PBX2: variants seen among roughly 807,000 people sequenced by gnomAD.
PBX2 encodes the protein pre-B-cell leukemia transcription factor 2.
A neutral mutation model predicts 46.5 loss-of-function variants in PBX2; 10 were observed. That is an observed-to-expected ratio of 0.21 (90% CI 0.13 to 0.36). PBX2 has a LOEUF of 0.36. Among genes scored for constraint, PBX2 ranks in the 10% least tolerant of loss-of-function variants. The probability of loss-of-function intolerance (pLI) is 1.00; values close to 1 mark genes in which losing one functional copy is unlikely to be tolerated. For synonymous variants in PBX2, 160 were observed against 222.5 expected (o/e 0.72, Z 2.50); for missense variants, 392 against 580.5 (o/e 0.68, Z 3.34).
chr6:32,186,286 G>C lies in PBX2; in HGVS notation c.*96C>G. ...GACCCCATTGGCCCTTCTCTGTCTT[G>C]TGCTTCTCCTGTATTGGGGTTTGTC... On this transcript the variant is annotated 3_prime_UTR_variant, in exon 9 of 9. Transcript: ENST00000375050. The surrounding 1 kb of genome is among the most constrained non-coding windows in gnomAD (Gnocchi z 4.2). 1.2e-6 allele frequency: 1 copy of C among 803,168 alleles called. No individual in the cohort carries two copies. The highest frequency in any genetic ancestry group is 2.1e-6 in the Non-Finnish European group (1 of 474,256). 49.8% of individuals were successfully genotyped at this position (803,168 alleles called of 1,614,324 possible). A position where few individuals can be genotyped will look rare whatever the true frequency, so the allele number is the denominator to read the frequency against.
rs1415154393 is a variant in PBX2, at chr6:32,186,942, A to G, written c.1025-41T>C. 8.5e-6 allele frequency: 13 copies of G among 1,531,792 alleles called. No individual in the cohort carries two copies. Among genetic ancestry groups the G allele is most frequent in the African/African-American group, 1.4e-5 (1 of 73,086 alleles). The allele number at this position is 1,531,792 out of a possible 1,614,324, so 94.9% of individuals were successfully genotyped here. A position where few individuals can be genotyped will look rare whatever the true frequency, so the allele number is the denominator to read the frequency against. ...AGGGAAGAGTGTAATAGAGCCCGTG[A>G]TGGTAGAGGATGAACCACAACTCTC... On this transcript the variant is annotated intron_variant, in intron 6 of 8. Transcript: ENST00000375050. The surrounding 1 kb of genome is among the most constrained non-coding windows in gnomAD (Gnocchi z 4.2).
chr6:32,187,011 A>G lies in PBX2; in HGVS notation c.1025-110T>C, dbSNP rs564778673. On this transcript the variant is annotated intron_variant, in intron 6 of 8. Coordinates refer to ENST00000375050, the MANE Select transcript of PBX2 (RefSeq NM_002586.5). This position sits in a 1 kb window ranked among gnomAD's most constrained non-coding sequence, Gnocchi z 7.7. Reference sequence around the variant, plus strand: ...CTACTATACTCCAATTATCCACAAAATAACATTCCAACACACAGAAAGAGC... The same window carrying G: ...CTACTATACTCCAATTATCCACAAAGTAACATTCCAACACACAGAAAGAGC... 1.8e-6 allele frequency: 2 copies of G among 1,119,976 alleles called. No homozygotes were observed. The highest frequency in any genetic ancestry group is 1.4e-5 in the South Asian group (1 of 73,458). 69.4% of individuals were successfully genotyped at this position (1,119,976 alleles called of 1,614,324 possible). A position where few individuals can be genotyped will look rare whatever the true frequency, so the allele number is the denominator to read the frequency against.
Position 32,188,549 on chromosome 6 carries a change from C to A in PBX2, c.296-45G>T. On this transcript the variant is annotated intron_variant, in intron 2 of 8. Transcript: ENST00000375050. The surrounding 1 kb of genome is among the most constrained non-coding windows in gnomAD (Gnocchi z 6.5). ...ACTTAGGGACCCAGAGACCCCAATA[C>A]CCAGTGCTCAGTCCTCCTGGTGCTT... 1 of 1,600,742 alleles carries A rather than the reference C, an allele frequency of 6.2e-7. No homozygotes were observed. The highest frequency in any genetic ancestry group is 1.3e-5 in the African/African-American group (1 of 74,508).
rs757153246 is a variant in PBX2, at chr6:32,187,275, G to A, written c.991C>T (p.Arg331Cys). ...GAAGGGGGTGTCGGGGAGCTGGTGCGGCTGTGGCCCCCCTGGGTGACTGAC... is the reference window on the plus strand; with the variant it reads ...GAAGGGGGTGTCGGGGAGCTGGTGCAGCTGTGGCCCCCCTGGGTGACTGAC... ...AVSVTQGGHS[R>C]TSSPTPPSSA... The change falls in exon 6 of 9, where the codon CGC (arginine) becomes TGC (cysteine). Residue 331 changes from arginine (R) to cysteine (C), a missense_variant. By Grantham distance (180) the Arg-to-Cys change is radical (BLOSUM62 -3). This residue lies in a region of PBX2 where 116 missense variants were observed against 157.9 expected (regional missense o/e 0.73). Transcript: ENST00000375050. The surrounding 1 kb of genome is among the most constrained non-coding windows in gnomAD (Gnocchi z 7.7). 6 of 1,612,962 alleles carry A rather than the reference G, an allele frequency of 3.7e-6. No homozygotes were observed. In the African/African-American group the frequency reaches 4.0e-5, roughly 11 times the overall value.
chr6:32,187,945 G>C lies in PBX2; in HGVS notation c.734+21C>G. ...GGAAGGAGCCCAGTGCTGGGGGCCA[G>C]CCTGGGGTCCCTGGGCCCACCTGGC... On this transcript the variant is annotated intron_variant, in intron 4 of 8. Coordinates refer to ENST00000375050, the MANE Select transcript of PBX2 (RefSeq NM_002586.5). This position sits in a 1 kb window ranked among gnomAD's most constrained non-coding sequence, Gnocchi z 7.7. 1.3e-6 allele frequency: 2 copies of C among 1,528,746 alleles called. No homozygotes were observed. Among genetic ancestry groups the C allele is most frequent in the Non-Finnish European group, 1.8e-6 (2 of 1,133,568 alleles). The allele number at this position is 1,528,746 out of a possible 1,614,324, so 94.7% of individuals were successfully genotyped here.
Position 32,188,487 on chromosome 6 carries a change from A to G in PBX2, c.313T>C (p.Ser105Pro), listed in dbSNP as rs1279208469. 6.2e-7 allele frequency: 1 copy of G among 1,613,676 alleles called. No individual in the cohort carries two copies. Residue 105 changes from serine to proline, a missense_variant, in exon 3 of 9, where the codon TCC becomes CCC. This residue lies in a region of PBX2 where 196 missense variants were observed against 246.9 expected (regional missense o/e 0.79). Transcript: ENST00000375050. The surrounding 1 kb of genome is among the most constrained non-coding windows in gnomAD (Gnocchi z 6.5). Reference sequence around the variant, plus strand: ...GGGTCCACCGGCTCCTCCTCCTGGGAGCTCCGAATGCTGAGGCCTAGCATG... The same window carrying G: ...GGGTCCACCGGCTCCTCCTCCTGGGGGCTCCGAATGCTGAGGCCTAGCATG... ...KEKTGLSIRSSQEEEPVDPQL... is the reference protein window; with the variant it reads ...KEKTGLSIRSPQEEEPVDPQL...
At position 32,187,919 on chromosome 6, in the gene PBX2, G is replaced by A; in HGVS notation, c.734+47C>T. 1 of 1,519,748 alleles carries A rather than the reference G, an allele frequency of 6.6e-7. No individual in the cohort carries two copies. Among genetic ancestry groups the A allele is most frequent in the African/African-American group, 1.4e-5 (1 of 73,040 alleles). 94.1% of individuals were successfully genotyped at this position (1,519,748 alleles called of 1,614,324 possible). A position where few individuals can be genotyped will look rare whatever the true frequency, so the allele number is the denominator to read the frequency against. On this transcript the variant is annotated intron_variant, in intron 4 of 8. Transcript: ENST00000375050. This position sits in a 1 kb window ranked among gnomAD's most constrained non-coding sequence, Gnocchi z 7.7. ...GCAGCTCAGGGTCTTGGAGAGGAATGGGAAGGAGCCCAGTGCTGGGGGCCA... is the reference window on the plus strand; with the variant it reads ...GCAGCTCAGGGTCTTGGAGAGGAATAGGAAGGAGCCCAGTGCTGGGGGCCA...
rs1176622663 is a variant in PBX2 at position 32,189,976 on chromosome 6, CT to C, written c.-62del. 861 of 773,936 alleles carry C rather than the reference CT, an allele frequency of 1.1e-3. 6 individuals carry two copies. Among genetic ancestry groups the C allele is most frequent in the Admixed American group, 4.3e-3 (114 of 26,394 alleles). 47.9% of individuals were successfully genotyped at this position (773,936 alleles called of 1,614,324 possible). A position where few individuals can be genotyped will look rare whatever the true frequency, so the allele number is the denominator to read the frequency against. ...CGCCCCTCCCCCCGCCTGGTTACTTCTCCCCCCAAACTCGCTGGGGCCGCTG... is the reference window on the plus strand; with the variant it reads ...CGCCCCTCCCCCCGCCTGGTTACTTCCCCCCCAAACTCGCTGGGGCCGCTG... On this transcript the variant is annotated 5_prime_UTR_variant, in exon 1 of 9. Transcript: ENST00000375050. The surrounding 1 kb of genome is among the most constrained non-coding windows in gnomAD (Gnocchi z 4.7).
chr6:32,186,673 G>A lies in PBX2; in HGVS notation c.1131C>T (p.His377=). Residue 377 remains histidine, a synonymous_variant, in exon 8 of 9, where the codon CAC becomes CAT. Transcript: ENST00000375050. This position sits in a 1 kb window ranked among gnomAD's most constrained non-coding sequence, Gnocchi z 4.2. ...YSASQVESLR[H]SMGPGGYGDN... ...CCCCATAGCCCCCTGGCCCCATCGA[G>A]TGTCGGAGTGATTCCACCTGCAGGC... 1 of 1,613,002 alleles carries A rather than the reference G, an allele frequency of 6.2e-7. No individual in the cohort carries two copies. The highest frequency in any genetic ancestry group is 1.7e-5 in the Admixed American group (1 of 60,024).
chr6:32,188,847 CAG>C lies in PBX2; in HGVS notation c.222-53_222-52del. 6.6e-7 allele frequency: 1 copy of C among 1,525,914 alleles called. No individual in the cohort carries two copies. Among genetic ancestry groups the C allele is most frequent in the South Asian group, 1.1e-5 (1 of 89,236 alleles). 94.5% of individuals were successfully genotyped at this position (1,525,914 alleles called of 1,614,324 possible). On this transcript the variant is annotated intron_variant, in intron 1 of 8. Transcript: ENST00000375050. The surrounding 1 kb of genome is among the most constrained non-coding windows in gnomAD (Gnocchi z 6.5). The stretch of plus-strand genomic sequence containing the variant: ...GAGAAAAGTTGAGGAGCTAGAGAAA[CAG>C]AGCAGGGGGCCTGAGAACAAGGAGG...
Position 32,190,049 on chromosome 6 carries a change from C to T in PBX2, c.-134G>A. ...CCCGTCTGCCCCCGGCTCCCGGCTC[C>T]CCCGGGGGTTCACCCCGGCACTGAA... On this transcript the variant is annotated 5_prime_UTR_variant, in exon 1 of 9. Coordinates refer to ENST00000375050, the MANE Select transcript of PBX2 (RefSeq NM_002586.5). 2 of 513,922 alleles carry T rather than the reference C, an allele frequency of 3.9e-6. No individual in the cohort carries two copies. Among genetic ancestry groups the T allele is most frequent in the African/African-American group, 2.0e-5 (1 of 49,336 alleles). The allele number at this position is 513,922 out of a possible 1,614,324, so 31.8% of individuals were successfully genotyped here.
chr6:32,188,619 CCT>C lies in PBX2; in HGVS notation c.295+102_295+103del, dbSNP rs1787253334. Reference sequence around the variant, plus strand: ...AGGCTTTGGTTCCTTCCCCAGTCCCCCTGACTCCTTACTTTCCTCAGGGCCCC... The same window carrying C: ...AGGCTTTGGTTCCTTCCCCAGTCCCCGACTCCTTACTTTCCTCAGGGCCCC... On this transcript the variant is annotated intron_variant, in intron 2 of 8. Transcript: ENST00000375050. The surrounding 1 kb of genome is among the most constrained non-coding windows in gnomAD (Gnocchi z 6.5). The C allele has an allele frequency of 6.3e-7, 1 of 1,575,668 alleles. No individual in the cohort carries two copies. The highest frequency in any genetic ancestry group is 8.7e-7 in the Non-Finnish European group (1 of 1,151,424).
chr6:32,187,950 G>T lies in PBX2; in HGVS notation c.734+16C>A. On this transcript the variant is annotated intron_variant, in intron 4 of 8. Coordinates refer to ENST00000375050, the MANE Select transcript of PBX2 (RefSeq NM_002586.5). The surrounding 1 kb of genome is among the most constrained non-coding windows in gnomAD (Gnocchi z 7.7). ...GAGCCCAGTGCTGGGGGCCAGCCTG[G>T]GGTCCCTGGGCCCACCTGGCATCCA... 1 of 1,530,408 alleles carries T rather than the reference G, an allele frequency of 6.5e-7. No individual in the cohort carries two copies. The highest frequency in any genetic ancestry group is 2.3e-5 in the East Asian group (1 of 42,562). The allele number at this position is 1,530,408 out of a possible 1,614,324, so 94.8% of individuals were successfully genotyped here. A position where few individuals can be genotyped will look rare whatever the true frequency, so the allele number is the denominator to read the frequency against.
chr6:32,185,170 A>C lies in PBX2; in HGVS notation c.*1212T>G, dbSNP rs1786964688. ...ACTCCCTTCCCATTCTTCCCCCTCC[A>C]ATTTTCAAATAGTAGTTTTTTAAAA... On this transcript the variant is annotated 3_prime_UTR_variant, in exon 9 of 9. Transcript: ENST00000375050. 1 of 152,634 alleles carries C rather than the reference A, an allele frequency of 6.6e-6. No homozygotes were observed. Among genetic ancestry groups the C allele is most frequent in the Admixed American group, 6.5e-5 (1 of 15,274 alleles). 9.5% of individuals were successfully genotyped at this position (152,634 alleles called of 1,614,324 possible). A position where few individuals can be genotyped will look rare whatever the true frequency, so the allele number is the denominator to read the frequency against.
Position 32,187,248 on chromosome 6 carries a change from A to G in PBX2, c.1018T>C (p.Ser340Pro). 6.2e-7 allele frequency: 1 copy of G among 1,612,868 alleles called. No individual in the cohort carries two copies. The highest frequency in any genetic ancestry group is 8.5e-7 in the Non-Finnish European group (1 of 1,180,024). The change falls in exon 6 of 9, where the codon TCT (serine) becomes CCT (proline). Residue 340 changes from serine (S) to proline (P), a missense_variant. This residue lies in a region of PBX2 where 116 missense variants were observed against 157.9 expected (regional missense o/e 0.73). Coordinates refer to ENST00000375050, the MANE Select transcript of PBX2 (RefSeq NM_002586.5). The surrounding 1 kb of genome is among the most constrained non-coding windows in gnomAD (Gnocchi z 7.7). Reference protein sequence around the residue: ...SRTSSPTPPSSAGSGGSFNLS... With the variant: ...SRTSSPTPPSPAGSGGSFNLS... ...GGGTGACAGTGGGATCCACCTGCAGAGGAAGGGGGTGTCGGGGAGCTGGTG... is the reference window on the plus strand; with the variant it reads ...GGGTGACAGTGGGATCCACCTGCAGGGGAAGGGGGTGTCGGGGAGCTGGTG...
rs2127449347 is a variant in PBX2 at position 32,189,479 on chromosome 6, G to A, written c.221+216C>T. The stretch of plus-strand genomic sequence containing the variant: ...GGCAAAAGGTTAGGAGTGGGGAGCC[G>A]GGCCACCGGGGGTTCCCTCTGTGAA... On this transcript the variant is annotated intron_variant, in intron 1 of 8. Coordinates refer to ENST00000375050, the MANE Select transcript of PBX2 (RefSeq NM_002586.5). This position sits in a 1 kb window ranked among gnomAD's most constrained non-coding sequence, Gnocchi z 4.7. Among the ~76,000 whole-genome samples the A allele has an allele frequency of 6.6e-6, 1 of 152,174 alleles. No individual in the cohort carries two copies. Among genetic ancestry groups the A allele is most frequent in the African/African-American group, 2.4e-5 (1 of 41,508 alleles).
In PBX2 at chr6:32,187,129, G is replaced by T; in HGVS notation, c.1024+113C>A. 3 of 1,335,192 alleles carry T rather than the reference G, an allele frequency of 2.2e-6. No individual in the cohort carries two copies. The South Asian group carries it at 3.9e-5, about 17-fold the overall frequency. The allele number at this position is 1,335,192 out of a possible 1,614,324, so 82.7% of individuals were successfully genotyped here. On this transcript the variant is annotated intron_variant, in intron 6 of 8. Transcript: ENST00000375050. The surrounding 1 kb of genome is among the most constrained non-coding windows in gnomAD (Gnocchi z 7.7). Reference sequence around the variant, plus strand: ...TGACATCTCCAGCCTATCTCAGCTCGGTCCCTCTCACCCCAAAAGGCCCCC... The same window carrying T: ...TGACATCTCCAGCCTATCTCAGCTCTGTCCCTCTCACCCCAAAAGGCCCCC...
chr6:32,189,927 G>GA lies in PBX2; in HGVS notation c.-13_-12insT, dbSNP rs765445910. 9 of 1,170,718 alleles carry GA rather than the reference G, an allele frequency of 7.7e-6. No homozygotes were observed. The highest frequency in any genetic ancestry group is 1.0e-5 in the Non-Finnish European group (9 of 870,542). The allele number at this position is 1,170,718 out of a possible 1,614,324, so 72.5% of individuals were successfully genotyped here. On this transcript the variant is annotated 5_prime_UTR_variant, in exon 1 of 9. Coordinates refer to ENST00000375050, the MANE Select transcript of PBX2 (RefSeq NM_002586.5). This position sits in a 1 kb window ranked among gnomAD's most constrained non-coding sequence, Gnocchi z 4.7. ...AGCCGTTCGTCCATAGCTGGGGGGG[G>GA]GCCCTGAGGCCCCCTCCCTGCTCCG...
rs759000660 is a variant in PBX2 at position 32,188,192 on chromosome 6, C to T, written c.544-36G>A. Reference sequence around the variant, plus strand: ...GGCCAGTGGGCTGGTGAGGAGGAGCCCTTTGACCATGGGATTCCCCTGCAA... The same window carrying T: ...GGCCAGTGGGCTGGTGAGGAGGAGCTCTTTGACCATGGGATTCCCCTGCAA... On this transcript the variant is annotated intron_variant, in intron 3 of 8. Coordinates refer to ENST00000375050, the MANE Select transcript of PBX2 (RefSeq NM_002586.5). The surrounding 1 kb of genome is among the most constrained non-coding windows in gnomAD (Gnocchi z 6.5). 1.2e-6 allele frequency: 2 copies of T among 1,601,034 alleles called. No individual in the cohort carries two copies. Among genetic ancestry groups the T allele is most frequent in the Non-Finnish European group, 1.7e-6 (2 of 1,171,854 alleles).
Sources: gnomAD v4.1 joint callset for allele counts (sites outside exome capture counted in the v4.1 genomes callset) on GRCh38, gnomAD v4.1.1 for gene constraint, gnomAD v4.1.1 regional missense constraint, Gnocchi (gnomAD v3.1) non-coding constraint, MANE v1.5 for transcripts, NCBI Gene and HGNC (gene_info 2026-07-23, HGNC 2026-07-21) for gene names.